The following PDGFRA variants were observed in gnomAD, a reference collection of about 807,000 sequenced individuals.
The protein encoded by PDGFRA is platelet-derived growth factor receptor alpha.
Under a neutral mutation model 121.5 loss-of-function variants are expected in PDGFRA, and 25 were observed. The observed-to-expected ratio is 0.21, with a 90% CI of 0.15 to 0.29. The LOEUF is 0.29. PDGFRA is among the 10% of genes least tolerant of loss of function. PDGFRA has a pLI of 1.00. For synonymous variants in PDGFRA, 463 were observed against 494.8 expected, an observed-to-expected ratio of 0.94 and a Z score of 0.85; for missense variants, 1,008 against 1,345.1, an observed-to-expected ratio of 0.75 and a Z score of 3.92.
chr4:54,241,583 C>G (rs35714192), intron 1 of PDGFRA, among the ~76,000 whole-genome samples: 34,563 of 151,072 alleles, frequency 0.23, 5,157 homozygotes, highest in East Asian at 0.53. Flanking sequence ...GAGTTTTGCT[C>G]TTGTTGCCCA....
At chr4:54,246,414 C>T (rs1411169697) in intron 1 of PDGFRA, among the ~76,000 whole-genome samples, 2 of 152,204 alleles carry the variant, frequency 1.3e-5, no homozygotes. Flanking sequence ...TTAAGAAACT[C>T]ACTGAAAACT....
chr4:54,293,907 T>TTGTGTGTGTGTGTGTGTGTG, intron 22 of PDGFRA, among the ~76,000 whole-genome samples: 1 of 142,558 alleles, frequency 7.0e-6, no homozygotes, highest in African/African-American at 2.6e-5. Context: ...TCCAAGTTGC[T>TTGTGTGTGTGTGTGTGTGTG]TGTGTGTGTG....
intron 1 of PDGFRA, among the ~76,000 whole-genome samples, chr4:54,242,443 T>A (rs1009198918): frequency 6.6e-6 from 1 of 152,186 alleles, no homozygotes; most frequent in African/African-American, 2.4e-5. Context: ...CTATTTGTCC[T>A]GGCTAGAGTC....
intron 3 of PDGFRA, among the ~76,000 whole-genome samples, chr4:54,262,207 G>T (rs1037795136): frequency 2.7e-4 from 41 of 151,904 alleles, no homozygotes; most frequent in Admixed American, 9.2e-4. Context: ...TGGGATTACA[G>T]GCGTGAGCCA....
intron 3 of PDGFRA, 105 bp downstream of exon 3, chr4:54,261,517 G>A: frequency 4.4e-6 from 3 of 688,414 alleles, no homozygotes; most frequent in South Asian, 2.1e-5. Context: ...ATTTATTGCG[G>A]GAAGTTTGAA....
chr4:54,294,350 G>C (rs1239217496), intron 22 of PDGFRA, among the ~76,000 whole-genome samples: 1 of 151,714 alleles, frequency 6.6e-6, no homozygotes, highest in East Asian at 1.9e-4. Context: ...GTTGTAAGAG[G>C]GTTCTGCTTT....
intron 2 of PDGFRA, among the ~76,000 whole-genome samples, chr4:54,259,407 C>G (rs1162946499): frequency 6.6e-6 from 1 of 152,250 alleles, no homozygotes; most frequent in Non-Finnish European, 1.5e-5. Flanking sequence ...AAGATGCTTA[C>G]ATTGCTTCTA....
At chr4:54,243,342 A>G (rs138722593) in intron 1 of PDGFRA, among the ~76,000 whole-genome samples, 24 of 152,362 alleles carry the variant, frequency 1.6e-4, no homozygotes, top group South Asian at 4.1e-4. Flanking sequence ...AATTGAGATT[A>G]CTGGAGAAAG....
chr4:54,245,637 A>T (rs1423981073), intron 1 of PDGFRA, among the ~76,000 whole-genome samples: 67 of 152,004 alleles, frequency 4.4e-4, no homozygotes, highest in African/African-American at 1.5e-3. Flanking sequence ...CATTGAGGCT[A>T]GGAAGAAACT....
chr4:54,254,840 C>G (rs1231156264), intron 1 of PDGFRA, among the ~76,000 whole-genome samples: 1 of 152,212 alleles, frequency 6.6e-6, no homozygotes, highest in African/African-American at 2.4e-5. Flanking sequence ...AGCGATCAGC[C>G]AGCCAGCATT....
Position 54,285,864 on chromosome 4 carries a change from T to C in PDGFRA, c.2463T>C (p.Ala821=), listed in dbSNP as rs1553906039. The C allele has an allele frequency of 6.2e-7, 1 of 1,614,128 alleles. No homozygotes were observed. The highest frequency in any genetic ancestry group is 8.5e-7 in the Non-Finnish European group (1 of 1,179,972). ...SKNCVHRDLA[A]RNVLLAQGKI... ...AGTGTGTCCACCGTGATCTGGCTGC[T>C]CGCAACGTCCTCCTGGCACAAGGAA... The change falls in exon 18 of 23, where the codon GCT becomes GCC. Residue 821 remains alanine, a synonymous_variant. Coordinates refer to ENST00000257290, the MANE Select transcript of PDGFRA (RefSeq NM_006206.6).
intron 1 of PDGFRA, among the ~76,000 whole-genome samples, chr4:54,243,878 C>T (rs1042098493): frequency 6.6e-5 from 10 of 152,166 alleles, no homozygotes; most frequent in East Asian, 1.9e-4. Flanking sequence ...TGCGCTTTTC[C>T]GACGGGCTTA....
At chr4:54,234,433 G>C (rs908064020) in intron 1 of PDGFRA, among the ~76,000 whole-genome samples, 2 of 152,240 alleles carry the variant, frequency 1.3e-5, no homozygotes, top group Non-Finnish European at 2.9e-5. Flanking sequence ...ACTGCCATCT[G>C]CTGGCCACTC....
At chr4:54,264,752 C>G in intron 4 of PDGFRA, 167 bp from the exon 5 acceptor site, 1 of 605,702 alleles carries the variant, frequency 1.7e-6, no homozygotes, top group Non-Finnish European at 2.9e-6. Context: ...TTGTTGTACA[C>G]CATCTCACAA....
At chr4:54,256,923 G>A (rs1046710592) in intron 1 of PDGFRA, among the ~76,000 whole-genome samples, 3 of 152,096 alleles carry the variant, frequency 2.0e-5, no homozygotes, top group Non-Finnish European at 4.4e-5. Context: ...AGGCATGGGG[G>A]TCAGCTCAGG....
intron 1 of PDGFRA, among the ~76,000 whole-genome samples, chr4:54,233,872 G>A (rs891842146): frequency 1.3e-5 from 2 of 152,270 alleles, no homozygotes; most frequent in Non-Finnish European, 2.9e-5. Context: ...ATTGTGCAAC[G>A]GTAACAGTCG....
chr4:54,264,371 A>C (rs1023403461), intron 4 of PDGFRA: 13 of 255,936 alleles, frequency 5.1e-5, no homozygotes, highest in African/African-American at 2.5e-4. Context: ...ATACATGCTG[A>C]GGTCAACAGA....
At chr4:54,278,247 A>G in intron 14 of PDGFRA, 115 bp from the exon 15 acceptor site, 1 of 556,262 alleles carries the variant, frequency 1.8e-6, no homozygotes. Context: ...AAAAAAAAAA[A>G]AAAAAACTTT....
chr4:54,268,394 T>C (rs1013694473), intron 7 of PDGFRA, among the ~76,000 whole-genome samples: 14 of 152,214 alleles, frequency 9.2e-5, no homozygotes, highest in African/African-American at 3.1e-4. Context: ...AGGCAAGGAA[T>C]TGGATCAGAT....
Sources: allele counts gnomAD v4.1 joint callset (sites outside exome capture counted in the v4.1 genomes callset), GRCh38; gene constraint gnomAD v4.1.1; transcripts MANE v1.5; gene names NCBI Gene and HGNC (gene_info 2026-07-23, HGNC 2026-07-21).